GIT2: variants seen among roughly 807,000 people sequenced by gnomAD.
GIT2 encodes the protein ARF GTPase-activating protein GIT2.
In GIT2, 32 loss-of-function variants were observed where a neutral mutation model predicts 100.3. The ratio of observed to expected loss-of-function variants is 0.32; its 90% confidence interval spans 0.24 to 0.43. The LOEUF (loss-of-function observed/expected upper bound fraction) is 0.43, where lower values mean the gene tolerates loss of function less well. Ranked by LOEUF, GIT2 falls within the 20% of genes least tolerant of loss-of-function variation. The pLI is 1.00. For synonymous variants in GIT2, 353 were observed against 364.1 expected (o/e 0.97, Z 0.35); for missense variants, 737 against 975.1 (o/e 0.76, Z 3.25).
chr12:109,938,338 T>A, intron 18 of GIT2, 42 bp downstream of exon 18: 1 of 1,459,730 alleles, frequency 6.9e-7, no homozygotes, highest in Non-Finnish European at 9.5e-7. Flanking sequence ...TCTGGGCGCA[T>A]AACTCATGCT....
chr12:109,971,373 G>A (rs1206483002), intron 7 of GIT2, among the ~76,000 whole-genome samples: 1 of 151,368 alleles, frequency 6.6e-6, no homozygotes, highest in Admixed American at 6.6e-5. Flanking sequence ...CGCTCAGGCT[G>A]GAGTGCAGTG....
intron 4 of GIT2, among the ~76,000 whole-genome samples, chr12:109,987,326 G>A (rs1369851306): frequency 2.0e-5 from 3 of 151,986 alleles, no homozygotes; most frequent in Non-Finnish European, 4.4e-5. Context: ...AGAACTTGCA[G>A]TGAGCTGAGA....
At chr12:109,957,159 G>C (rs1879719698) in intron 12 of GIT2, among the ~76,000 whole-genome samples, 1 of 152,178 alleles carries the variant, frequency 6.6e-6, no homozygotes, top group Non-Finnish European at 1.5e-5. Flanking sequence ...GGAGGTGTTT[G>C]GGTCATGGGG....
chr12:109,957,540 T>C (rs1879822036), intron 12 of GIT2, among the ~76,000 whole-genome samples: 1 of 151,190 alleles, frequency 6.6e-6, no homozygotes, highest in African/African-American at 2.4e-5. Flanking sequence ...GGAGTCTTGC[T>C]CTGTCGCCCA....
chr12:109,951,761 A>G (rs1877928950), intron 13 of GIT2, among the ~76,000 whole-genome samples: 1 of 152,202 alleles, frequency 6.6e-6, no homozygotes, highest in South Asian at 2.1e-4. Context: ...ATGAGAGAGT[A>G]TATATATTGC....
At chr12:109,964,419 G>GA (rs533360452) in intron 9 of GIT2, among the ~76,000 whole-genome samples, 105 of 152,170 alleles carry the variant, frequency 6.9e-4, no homozygotes, top group South Asian at 1.2e-3. Flanking sequence ...TGTGAAAACA[G>GA]AAATGAGGAG....
chr12:109,963,428 T>G (rs1339630819), intron 9 of GIT2, among the ~76,000 whole-genome samples: 1 of 152,230 alleles, frequency 6.6e-6, no homozygotes, highest in African/African-American at 2.4e-5. Context: ...ATTATGGGCT[T>G]ATATCCCAGG....
At position 109,988,982 on chromosome 12, in the gene GIT2, G is replaced by A; in HGVS notation, c.386C>T (p.Thr129Ile). ...RLPCRDDDSV[T>I]AKDLSKQLHS... is the part of the protein sequence containing the mutation. ...ACCCACCTTGCTAAGATCTTTGGCA[G>A]TCACACTATCGTCATCCCGGCAGGG... is the stretch of plus-strand genomic sequence containing the variant. Residue 129 changes from threonine (T) to isoleucine (I), a missense_variant, in exon 4 of 20, where the codon ACT becomes ATT. This residue lies in a region of GIT2 where 266 missense variants were observed against 376.2 expected (regional missense o/e 0.71). Coordinates refer to ENST00000355312, the MANE Select transcript of GIT2 (RefSeq NM_057169.5). The A allele has an allele frequency of 1.2e-6, 2 of 1,603,340 alleles. No homozygotes were observed. The highest frequency in any genetic ancestry group is 1.7e-6 in the Non-Finnish European group (2 of 1,170,380).
chr12:109,967,354 A>G lies in GIT2; in HGVS notation c.764+104T>C, dbSNP rs755859657. The G allele has an allele frequency of 6.9e-6, 11 of 1,587,244 alleles. No homozygotes were observed. In the South Asian group the frequency reaches 1.1e-4, roughly 16 times the overall value. On this transcript the variant is annotated intron_variant, in intron 8 of 19. Coordinates refer to ENST00000355312, the MANE Select transcript of GIT2 (RefSeq NM_057169.5). The stretch of plus-strand genomic sequence containing the variant: ...AAATGGTATAGCCATAAAAGAGAAA[A>G]ATGTATGGGCTTTGTTAAACACAAA...
chr12:109,995,333 C>T (rs1464352662), intron 1 of GIT2, among the ~76,000 whole-genome samples: 1 of 152,124 alleles, frequency 6.6e-6, no homozygotes, highest in Non-Finnish European at 1.5e-5. Flanking sequence ...GCGTTTGTTT[C>T]CGTTGTAATC....
At chr12:109,969,470 A>C (rs1217984617) in intron 7 of GIT2, among the ~76,000 whole-genome samples, 1 of 151,942 alleles carries the variant, frequency 6.6e-6, no homozygotes, top group Non-Finnish European at 1.5e-5. Flanking sequence ...CCTGGCCAAA[A>C]ATTTTCAATT....
rs780484968 is a variant in GIT2 at position 109,961,362 on chromosome 12, C to T, written c.903G>A (p.Thr301=). ...CGGTTACCAGGGCGCTGTGGTTTTG[C>T]GTGGCAAGCCAGACTAGTCAGAGGA... ...RRETDAVWLA[T]QNHSALVTET... Residue 301 remains threonine, a synonymous_variant, in exon 11 of 20, where the codon ACG becomes ACA. Coordinates refer to ENST00000355312, the MANE Select transcript of GIT2 (RefSeq NM_057169.5). The T allele has an allele frequency of 1.5e-5, 24 of 1,610,216 alleles. No homozygotes were observed. The highest frequency in any genetic ancestry group is 2.2e-5 in the East Asian group (1 of 44,868).
At chr12:109,991,246 G>A (rs1888316609) in intron 2 of GIT2, among the ~76,000 whole-genome samples, 1 of 150,144 alleles carries the variant, frequency 6.7e-6, no homozygotes, top group South Asian at 2.1e-4. Context: ...GGAGGCGGAG[G>A]TTACAGTGAG....
Position 109,975,020 on chromosome 12 carries a change from C to T in GIT2, c.718+5932G>A, listed in dbSNP as rs569395817. On this transcript the variant is annotated intron_variant, in intron 7 of 19. Coordinates refer to ENST00000355312, the MANE Select transcript of GIT2 (RefSeq NM_057169.5). ...TCATTTATGATAATATTATGTCCCT[C>T]TCTATCCGTGCTAATATTCCCTCCT... is the stretch of plus-strand genomic sequence containing the variant. Among the ~76,000 whole-genome samples, 9 of 152,304 alleles carry T rather than the reference C, an allele frequency of 5.9e-5. No individual in the cohort carries two copies. In the East Asian group the frequency reaches 1.7e-3, roughly 29 times the overall value.
At chr12:109,975,027 C>T (rs533463084) in intron 7 of GIT2, among the ~76,000 whole-genome samples, 5 of 152,224 alleles carry the variant, frequency 3.3e-5, no homozygotes, top group East Asian at 1.9e-4. Flanking sequence ...CCTCTCTATC[C>T]GTGCTAATAT....
chr12:109,983,848 A>T (rs1296778664), intron 4 of GIT2, 154 bp from the exon 5 acceptor site: 9 of 588,124 alleles, frequency 1.5e-5, no homozygotes, highest in Non-Finnish European at 2.4e-5. Flanking sequence ...CTCCTTTGCC[A>T]GTCACAACTG....
chr12:109,957,632 G>A (rs1230429005), intron 12 of GIT2, among the ~76,000 whole-genome samples: 2 of 151,216 alleles, frequency 1.3e-5, no homozygotes, highest in African/African-American at 2.4e-5. Flanking sequence ...TCAGCCTCCC[G>A]AGTAGCTGGG....
intron 16 of GIT2, among the ~76,000 whole-genome samples, chr12:109,943,971 C>T (rs1002417543): frequency 7.2e-5 from 11 of 152,128 alleles, no homozygotes; most frequent in African/African-American, 2.4e-4. Flanking sequence ...TGAGTCACTG[C>T]ACTCGGCTGA....
chr12:109,994,075 C>CAAAAAAAAAAAAA (rs34393850), intron 1 of GIT2, among the ~76,000 whole-genome samples: 1 of 59,694 alleles, frequency 1.7e-5, no homozygotes. Context: ...ACACTAATGG[C>CAAAAAAAAAAAAA]AAAAAAAAAA....
Sources: gnomAD v4.1 joint callset for allele counts (sites outside exome capture counted in the v4.1 genomes callset) on GRCh38, gnomAD v4.1.1 for gene constraint, gnomAD v4.1.1 regional missense constraint, MANE v1.5 for transcripts, NCBI Gene and HGNC (gene_info 2026-07-23, HGNC 2026-07-21) for gene names.